The following ADAMTS3 variants were observed in gnomAD, a reference collection of about 807,000 sequenced individuals.
ADAMTS3 encodes the protein A disintegrin and metalloproteinase with thrombospondin motifs 3.
Under a neutral mutation model 129.0 loss-of-function variants are expected in ADAMTS3, and 73 were observed. The ratio of observed to expected loss-of-function variants is 0.57; its 90% CI spans 0.47 to 0.69. The LOEUF is 0.69. ADAMTS3 is among the 30% of genes least tolerant of loss of function. The pLI, the probability that ADAMTS3 is intolerant of heterozygous loss-of-function variation, is 0.00. For synonymous variants in ADAMTS3, 477 were observed against 510.8 expected (o/e 0.93, Z 0.89); for missense variants, 1,457 against 1,514.5 (o/e 0.96, Z 0.63).
At chr4:72,293,930 A>C (rs1216966225) in intron 19 of ADAMTS3, among the ~76,000 whole-genome samples, 2 of 152,138 alleles carry the variant, frequency 1.3e-5, no homozygotes, top group Non-Finnish European at 2.9e-5. Flanking sequence ...TCTCTTGAAT[A>C]TTAATGATAT....
At chr4:72,504,198 C>T (rs545865913) in intron 3 of ADAMTS3, among the ~76,000 whole-genome samples, 6 of 152,282 alleles carry the variant, frequency 3.9e-5, no homozygotes, top group Admixed American at 1.3e-4. Flanking sequence ...GGGCTATGTA[C>T]ATAAGTGTCT....
At chr4:72,430,907 A>G (rs1722682067) in intron 3 of ADAMTS3, among the ~76,000 whole-genome samples, 1 of 151,866 alleles carries the variant, frequency 6.6e-6, no homozygotes, top group African/African-American at 2.4e-5. Context: ...TATAATATAA[A>G]TTAAATGGGG....
intron 4 of ADAMTS3, among the ~76,000 whole-genome samples, chr4:72,353,292 A>C (rs968333507): frequency 1.3e-5 from 2 of 151,988 alleles, no homozygotes; most frequent in Admixed American, 6.6e-5. Flanking sequence ...AGAAGTTGGA[A>C]CTATAGTACC....
At chr4:72,540,514 G>A (rs1354287026) in intron 3 of ADAMTS3, among the ~76,000 whole-genome samples, 1 of 152,154 alleles carries the variant, frequency 6.6e-6, no homozygotes, top group East Asian at 1.9e-4. Flanking sequence ...AAATAACAAG[G>A]AGCCAAATGT....
chr4:72,389,530 A>C (rs954424230), intron 4 of ADAMTS3, among the ~76,000 whole-genome samples: 1 of 132,824 alleles, frequency 7.5e-6, no homozygotes, highest in Non-Finnish European at 1.7e-5. Context: ...TGAAAAAAAC[A>C]AAAAAAAAAA....
At chr4:72,384,953 G>A (rs905262973) in intron 4 of ADAMTS3, among the ~76,000 whole-genome samples, 1 of 152,112 alleles carries the variant, frequency 6.6e-6, no homozygotes. Context: ...CGGATCACAA[G>A]GTCAGGAGAT....
At chr4:72,326,416 T>C (rs1028696022) in intron 5 of ADAMTS3, among the ~76,000 whole-genome samples, 2 of 152,138 alleles carry the variant, frequency 1.3e-5, no homozygotes, top group Admixed American at 6.6e-5. Flanking sequence ...TGTTTTTATA[T>C]TGTGAAACAC....
intron 4 of ADAMTS3, among the ~76,000 whole-genome samples, chr4:72,360,534 G>GT (rs1720695065): frequency 7.1e-6 from 1 of 141,474 alleles, no homozygotes; most frequent in African/African-American, 3.0e-5. Flanking sequence ...AGTAATGAAT[G>GT]GTTTTTTTTG....
chr4:72,312,496 T>C, intron 12 of ADAMTS3, 30 bp from the exon 13 acceptor site: 1 of 1,608,288 alleles, frequency 6.2e-7, no homozygotes, highest in Non-Finnish European at 8.5e-7. Flanking sequence ...TAAAAAGGCC[T>C]TTTGGCTTCT....
chr4:72,473,338 C>A (rs1719132368), intron 3 of ADAMTS3, among the ~76,000 whole-genome samples: 1 of 151,848 alleles, frequency 6.6e-6, no homozygotes, highest in Non-Finnish European at 1.5e-5. Flanking sequence ...CTTTTTGCTT[C>A]TTTTATCCCA....
At chr4:72,493,036 T>C (rs1355899391) in intron 3 of ADAMTS3, among the ~76,000 whole-genome samples, 1 of 151,916 alleles carries the variant, frequency 6.6e-6, no homozygotes, top group Non-Finnish European at 1.5e-5. Flanking sequence ...AATATAAATA[T>C]AGCCACCAGT....
chr4:72,550,003 A>G (rs1381070567), intron 2 of ADAMTS3, among the ~76,000 whole-genome samples: 2 of 4,396 alleles, frequency 4.5e-4, no homozygotes, highest in African/African-American at 1.4e-3. Context: ...AGGAAGAGGA[A>G]GAAGAAGAAG....
Position 72,283,684 on chromosome 4 carries a change from T to C in ADAMTS3, c.3070A>G (p.Lys1024Glu). Residue 1024 changes from lysine (K) to glutamate (E), a missense_variant, in exon 22 of 22, where the codon AAG becomes GAG. Physicochemically the swap from Lys to Glu is moderately conservative, Grantham distance 56. Transcript: ENST00000286657. ...PCNDEPCLGDKSIFCQMEVLA... is the reference protein window; with the variant it reads ...PCNDEPCLGDESIFCQMEVLA... ...ACTTCCATTTGACAGAATATGGACT[T>C]GTCTCCCAAACATGGTTCATCTGCA... 1 of 1,589,758 alleles carries C rather than the reference T, an allele frequency of 6.3e-7. No individual in the cohort carries two copies. Among genetic ancestry groups the C allele is most frequent in the Non-Finnish European group, 8.6e-7 (1 of 1,163,882 alleles).
chr4:72,547,435 T>C (rs1721494949), intron 3 of ADAMTS3, among the ~76,000 whole-genome samples: 1 of 152,204 alleles, frequency 6.6e-6, no homozygotes. Flanking sequence ...TTCCAGGCCA[T>C]AGCTACATAC....
rs904386635 is a variant in ADAMTS3, at chr4:72,535,062, T to C, written c.504+13416A>G. 2.0e-5 allele frequency among the ~76,000 whole-genome samples: 3 copies of C among 152,196 alleles called. 1 individual carries two copies. The highest frequency in any genetic ancestry group is 4.4e-5 in the Non-Finnish European group (3 of 68,036). ...CAAATAGAGATCTCATGGTGACTTATTTTATCTGGACCCACATCACTATGC... is the reference window on the plus strand; with the variant it reads ...CAAATAGAGATCTCATGGTGACTTACTTTATCTGGACCCACATCACTATGC... On this transcript the variant is annotated intron_variant, in intron 3 of 21. Transcript: ENST00000286657.
intron 10 of ADAMTS3, among the ~76,000 whole-genome samples, chr4:72,317,790 G>A (rs1719438299): frequency 6.6e-6 from 1 of 152,150 alleles, no homozygotes; most frequent in Non-Finnish European, 1.5e-5. Context: ...AACTTTGGGA[G>A]GCCAAGGCGG....
chr4:72,384,671 A>G lies in ADAMTS3; in HGVS notation c.661+30144T>C, dbSNP rs1304547051. Among the ~76,000 whole-genome samples, 4 of 152,206 alleles carry G rather than the reference A, an allele frequency of 2.6e-5. No homozygotes were observed. The East Asian group carries it at 7.7e-4, about 29-fold the overall frequency. On this transcript the variant is annotated intron_variant, in intron 4 of 21. Transcript: ENST00000286657. ...AACTACACCACAAAAATTCCTACAG[A>G]AAGTTATTTGGGCTGAAGGAAAATG... is the stretch of plus-strand genomic sequence containing the variant.
intron 4 of ADAMTS3, among the ~76,000 whole-genome samples, chr4:72,350,410 G>A (rs79276826): frequency 0.059 from 8,916 of 152,064 alleles, 794 homozygotes; most frequent in East Asian, 0.24. Flanking sequence ...TCAGTTCTGT[G>A]TTGGTTTGGA....
intron 3 of ADAMTS3, among the ~76,000 whole-genome samples, chr4:72,522,201 G>A (rs1008815613): frequency 7.2e-5 from 11 of 152,056 alleles, no homozygotes; most frequent in African/African-American, 2.7e-4. Context: ...TGAAAAAAAA[G>A]ACTGAAAACC....
Sources: allele counts gnomAD v4.1 joint callset (sites outside exome capture counted in the v4.1 genomes callset), GRCh38; gene constraint gnomAD v4.1.1; transcripts MANE v1.5; gene names NCBI Gene and HGNC (gene_info 2026-07-23, HGNC 2026-07-21).